PLA2G2C: variants seen among roughly 807,000 people sequenced by gnomAD.
PLA2G2C encodes putative inactive group IIC secretory phospholipase A2.
PLA2G2C carries 15 observed loss-of-function variants against 14.3 expected under a neutral mutation model. The ratio of observed to expected loss-of-function variants is 1.05; its 90% CI spans 0.70 to 1.62. The LOEUF (loss-of-function observed/expected upper bound fraction) is 1.62. Among genes scored for constraint, PLA2G2C ranks in the 40% most tolerant of loss-of-function variants. PLA2G2C has a pLI of 0.00. For synonymous variants in PLA2G2C, 79 were observed against 67.7 expected (o/e 1.17, Z -0.82); for missense variants, 162 against 173.2 (o/e 0.94, Z 0.36).
At chr1:20,183,218 T>A (rs1489383805) in intron 1 of PLA2G2C, among the ~76,000 whole-genome samples, 2 of 152,198 alleles carry the variant, frequency 1.3e-5, no homozygotes, top group South Asian at 4.1e-4. Flanking sequence ...ATCACCATTC[T>A]AGAGATGCGG....
At chr1:20,169,799 G>A (rs1308331673) in intron 4 of PLA2G2C, among the ~76,000 whole-genome samples, 1 of 152,216 alleles carries the variant, frequency 6.6e-6, no homozygotes, top group Non-Finnish European at 1.5e-5. Flanking sequence ...GCTGGAATTA[G>A]ACCCAGTGTT....
chr1:20,165,438 G>A (rs1490890171), intron 4 of PLA2G2C, among the ~76,000 whole-genome samples: 1 of 152,166 alleles, frequency 6.6e-6, no homozygotes, highest in African/African-American at 2.4e-5. Flanking sequence ...AGAAGCATAA[G>A]CTGTGTGCGG....
At chr1:20,166,071 T>C (rs1426665434) in intron 4 of PLA2G2C, among the ~76,000 whole-genome samples, 1 of 152,202 alleles carries the variant, frequency 6.6e-6, no homozygotes, top group Non-Finnish European at 1.5e-5. Context: ...TACCGACAAG[T>C]GGTCCGGATG....
intron 1 of PLA2G2C, among the ~76,000 whole-genome samples, chr1:20,182,444 T>C (rs560186744): frequency 8.9e-4 from 136 of 152,358 alleles, no homozygotes; most frequent in Non-Finnish European, 1.4e-3. Context: ...AGCAACAGGC[T>C]ATACCATATA....
At chr1:20,182,295 T>A (rs2018289143) in intron 1 of PLA2G2C, among the ~76,000 whole-genome samples, 1 of 152,226 alleles carries the variant, frequency 6.6e-6, no homozygotes, top group African/African-American at 2.4e-5. Flanking sequence ...ATTTTTTTTA[T>A]CTTTTATACC....
intron 1 of PLA2G2C, among the ~76,000 whole-genome samples, chr1:20,179,841 T>C (rs2018252635): frequency 6.6e-6 from 1 of 151,772 alleles, no homozygotes; most frequent in Non-Finnish European, 1.5e-5. Context: ...TCCTTCTGTG[T>C]CAACTTCTCC....
At chr1:20,181,561 G>A (rs1381064718) in intron 1 of PLA2G2C, among the ~76,000 whole-genome samples, 4 of 151,992 alleles carry the variant, frequency 2.6e-5, no homozygotes, top group East Asian at 1.9e-4. Context: ...AAACACCACC[G>A]AGAAGGCAAA....
chr1:20,163,705 C>A lies in PLA2G2C; in HGVS notation c.*286G>T. 2.7e-6 allele frequency: 1 copy of A among 364,766 alleles called. No homozygotes were observed. Among genetic ancestry groups the A allele is most frequent in the Non-Finnish European group, 5.0e-6 (1 of 200,942 alleles). 22.6% of individuals were successfully genotyped at this position (364,766 alleles called of 1,614,324 possible). A position where few individuals can be genotyped will look rare whatever the true frequency, so the allele number is the denominator to read the frequency against. ...TAGCACTTACTACAGTCTAATGTGT[C>A]TCTTACTTCTATATCCATGCATTTG... On this transcript the variant is annotated 3_prime_UTR_variant, in exon 5 of 5. Transcript: ENST00000679259.
chr1:20,170,858 G>A (rs906086221), intron 4 of PLA2G2C, among the ~76,000 whole-genome samples: 3 of 141,628 alleles, frequency 2.1e-5, no homozygotes, highest in Non-Finnish European at 4.6e-5. Context: ...CCCAGGCCAC[G>A]TACTTTCGGG....
intron 2 of PLA2G2C, among the ~76,000 whole-genome samples, chr1:20,176,076 A>AT (rs887841285): frequency 7.2e-5 from 11 of 151,854 alleles, no homozygotes; most frequent in African/African-American, 2.7e-4. Context: ...TGCTTGACTA[A>AT]TTTTTTGTAT....
chr1:20,168,542 A>T (rs1046958523), intron 4 of PLA2G2C, among the ~76,000 whole-genome samples: 1 of 152,242 alleles, frequency 6.6e-6, no homozygotes, highest in Admixed American at 6.5e-5. Context: ...GAATGCTGGG[A>T]GAGACAGTGG....
At chr1:20,175,290 C>A (rs1176561911) in intron 2 of PLA2G2C, 145 bp from the exon 3 acceptor site, 5 of 1,157,100 alleles carry the variant, frequency 4.3e-6, no homozygotes, top group Non-Finnish European at 6.2e-6. Context: ...TGGCTGGAAT[C>A]ACCAGCCTCT....
intron 1 of PLA2G2C, 129 bp from the exon 2 acceptor site, chr1:20,177,568 T>C (rs144043602): frequency 2.1e-5 from 9 of 432,478 alleles, no homozygotes; most frequent in Admixed American, 7.9e-5. Context: ...CCTTTGAATG[T>C]GGTAACCTTT....
chr1:20,168,319 T>C (rs981324177), intron 4 of PLA2G2C, among the ~76,000 whole-genome samples: 3 of 152,240 alleles, frequency 2.0e-5, no homozygotes, highest in African/African-American at 7.2e-5. Flanking sequence ...CCAACATGTG[T>C]CTGGTCTTTG....
At chr1:20,183,454 T>G (rs1208281414) in intron 1 of PLA2G2C, among the ~76,000 whole-genome samples, 1 of 152,142 alleles carries the variant, frequency 6.6e-6, no homozygotes, top group African/African-American at 2.4e-5. Flanking sequence ...GGATGCAGGT[T>G]GTAAAATTGC....
At chr1:20,180,997 G>A (rs531467459) in intron 1 of PLA2G2C, among the ~76,000 whole-genome samples, 2 of 152,302 alleles carry the variant, frequency 1.3e-5, no homozygotes, top group South Asian at 4.1e-4. Flanking sequence ...GGTCTGTTTT[G>A]TTCACCTCTT....
chr1:20,174,399 T>A (rs1421307041), intron 3 of PLA2G2C, among the ~76,000 whole-genome samples: 3 of 152,126 alleles, frequency 2.0e-5, no homozygotes, highest in Non-Finnish European at 4.4e-5. Context: ...CCCACCCCCA[T>A]CCTTTGGAGT....
At chr1:20,164,289 T>C in intron 4 of PLA2G2C, 132 bp from the exon 5 acceptor site, 3 of 852,590 alleles carry the variant, frequency 3.5e-6, no homozygotes, top group Non-Finnish European at 5.3e-6. Context: ...CTGAAAGGGA[T>C]ACGTGTATGC....
intron 1 of PLA2G2C, among the ~76,000 whole-genome samples, chr1:20,181,405 G>A (rs2018277548): frequency 1.3e-5 from 2 of 152,044 alleles, no homozygotes; most frequent in African/African-American, 2.4e-5. Context: ...ATTCATTCCA[G>A]TTTACCAGTA....
Sources: gnomAD v4.1 joint callset for allele counts (sites outside exome capture counted in the v4.1 genomes callset) on GRCh38, gnomAD v4.1.1 for gene constraint, MANE v1.5 for transcripts, NCBI Gene and HGNC (gene_info 2026-07-23, HGNC 2026-07-21) for gene names.